FAT3: variants seen among roughly 807,000 people sequenced by gnomAD.
The protein encoded by FAT3 is protocadherin Fat 3.
A neutral mutation model predicts 310.2 loss-of-function variants in FAT3; 95 were observed. The ratio of observed to expected loss-of-function variants is 0.31; its 90% CI spans 0.26 to 0.36. The LOEUF (loss-of-function observed/expected upper bound fraction) is 0.36. Ranked by LOEUF, FAT3 falls within the 10% of genes least tolerant of loss-of-function variation. The probability of loss-of-function intolerance (pLI) is 1.00; values close to 1 mark genes in which losing one functional copy is unlikely to be tolerated. For missense variants in FAT3, 5,408 were observed against 5,715.6 expected (o/e 0.95, Z 1.74); for synonymous variants, 2,314 against 2,192.9 (o/e 1.06, Z -1.54).
At position 92,800,578 on chromosome 11, in the gene FAT3, A is replaced by T; in HGVS notation, c.7565A>T (p.Asp2522Val). The T allele has an allele frequency of 2.5e-6, 4 of 1,613,828 alleles. No homozygotes were observed. Among genetic ancestry groups the T allele is most frequent in the Non-Finnish European group, 3.4e-6 (4 of 1,179,828 alleles). ...AAGGTAATTCATGTTCGAGCCACAGATGGTGATCCAGGGACTTATGGGCAG... is the reference window on the plus strand; with the variant it reads ...AAGGTAATTCATGTTCGAGCCACAGTTGGTGATCCAGGGACTTATGGGCAG... The part of the protein sequence containing the change: ...GTKVIHVRAT[D>V]GDPGTYGQIS... Residue 2522 changes from aspartate to valine, a missense_variant, in exon 10 of 28, where the codon GAT (aspartate) becomes GTT (valine). By Grantham distance (152) the Asp-to-Val change is radical (BLOSUM62 -3). Around this residue, in one of 5 missense-constraint regions of FAT3, gnomAD observed 4,588 missense variants for 4,809.8 expected, o/e 0.95. Transcript: ENST00000525166.
At chr11:92,582,691 T>G (rs928118845) in intron 3 of FAT3, among the ~76,000 whole-genome samples, 12 of 152,044 alleles carry the variant, frequency 7.9e-5, no homozygotes, top group Admixed American at 4.6e-4. Flanking sequence ...GAATGTGAAG[T>G]AAGATGCTGC....
intron 1 of FAT3, among the ~76,000 whole-genome samples, chr11:92,260,548 T>C (rs560276127): frequency 2.0e-5 from 3 of 152,182 alleles, no homozygotes; most frequent in Non-Finnish European, 4.4e-5. Flanking sequence ...TTTAAGGCTG[T>C]TAAGGCTCTG....
chr11:92,551,515 G>A (rs975560712), intron 3 of FAT3, among the ~76,000 whole-genome samples: 1 of 150,950 alleles, frequency 6.6e-6, no homozygotes, highest in African/African-American at 2.4e-5. Context: ...CATAGACCCT[G>A]CAGTTCAACC....
chr11:92,533,399 C>T (rs1001631756), intron 3 of FAT3, among the ~76,000 whole-genome samples: 1 of 152,096 alleles, frequency 6.6e-6, no homozygotes, highest in South Asian at 2.1e-4. Context: ...GAACTAGTGC[C>T]ACCATCCATG....
intron 2 of FAT3, among the ~76,000 whole-genome samples, chr11:92,393,455 C>G (rs1387755137): frequency 6.6e-6 from 1 of 152,236 alleles, no homozygotes; most frequent in South Asian, 2.1e-4. Context: ...AGGATTTCGC[C>G]GCCAAACCAT....
chr11:92,500,482 A>G (rs1048280153), intron 2 of FAT3, among the ~76,000 whole-genome samples: 3 of 152,184 alleles, frequency 2.0e-5, no homozygotes, highest in East Asian at 3.9e-4. Flanking sequence ...GAGGAAAAAT[A>G]TGATGAAATG....
chr11:92,247,585 A>G (rs1864971668), intron 1 of FAT3, among the ~76,000 whole-genome samples: 2 of 151,962 alleles, frequency 1.3e-5, no homozygotes, highest in African/African-American at 4.8e-5. Flanking sequence ...TTTCCTCTAT[A>G]AAAGAGAGAG....
At chr11:92,482,195 A>G (rs75983636) in intron 2 of FAT3, among the ~76,000 whole-genome samples, 7,010 of 152,258 alleles carry the variant, frequency 0.046, 203 homozygotes, top group East Asian at 0.086. Context: ...GTTAGTGAAC[A>G]CTATCAGATT....
intron 2 of FAT3, among the ~76,000 whole-genome samples, chr11:92,463,993 A>G (rs1951700707): frequency 6.6e-6 from 1 of 152,194 alleles, no homozygotes; most frequent in African/African-American, 2.4e-5. Flanking sequence ...CACCTAGCAC[A>G]TGGTTAAGGG....
At chr11:92,695,959 A>T (rs1407970172) in intron 3 of FAT3, among the ~76,000 whole-genome samples, 1 of 152,194 alleles carries the variant, frequency 6.6e-6, no homozygotes, top group Non-Finnish European at 1.5e-5. Context: ...ATAGTTAATA[A>T]TAGTGTATTG....
intron 24 of FAT3, 58 bp from the exon 25 acceptor site, chr11:92,886,941 TG>T (rs1949809424): frequency 7.2e-7 from 1 of 1,394,918 alleles, no homozygotes; most frequent in African/African-American, 1.4e-5. Context: ...TGGGTGGGAC[TG>T]GAAATAGGCA....
rs970045974 is a variant in FAT3, at chr11:92,524,577, A to G, written c.3293-57A>G. ...GTGTAGTCCTTTGGAATTTGAGATT[A>G]TTTATTTAATGTCTTCCCTTTCTCT... On this transcript the variant is annotated intron_variant, in intron 2 of 27. Transcript: ENST00000525166. 37 of 1,523,284 alleles carry G rather than the reference A, an allele frequency of 2.4e-5. No homozygotes were observed. The African/African-American group carries it at 4.3e-4, about 18-fold the overall frequency. The allele number at this position is 1,523,284 out of a possible 1,614,324, so 94.4% of individuals were successfully genotyped here.
intron 3 of FAT3, among the ~76,000 whole-genome samples, chr11:92,674,219 A>AATAAT (rs1943217561): frequency 6.7e-6 from 1 of 148,216 alleles, no homozygotes; most frequent in Non-Finnish European, 1.5e-5. Context: ...TAATAATAAT[A>AATAAT]AAGAGACACT....
chr11:92,444,649 T>G (rs1019399287), intron 2 of FAT3, among the ~76,000 whole-genome samples: 1 of 127,508 alleles, frequency 7.8e-6, no homozygotes, highest in Admixed American at 8.1e-5. Context: ...ATGATATTAA[T>G]GGATATTACT....
At chr11:92,873,106 A>G (rs575284171) in intron 22 of FAT3, among the ~76,000 whole-genome samples, 1 of 152,298 alleles carries the variant, frequency 6.6e-6, no homozygotes, top group Non-Finnish European at 1.5e-5. Flanking sequence ...TACAACAATA[A>G]AGCACCTAAT....
chr11:92,715,921 G>A (rs1176241963), intron 4 of FAT3, among the ~76,000 whole-genome samples: 1 of 152,076 alleles, frequency 6.6e-6, no homozygotes, highest in Admixed American at 6.6e-5. Flanking sequence ...GCCAGTGGAA[G>A]TAGGAATTGG....
At chr11:92,496,853 G>A (rs1255497369) in intron 2 of FAT3, among the ~76,000 whole-genome samples, 2 of 151,956 alleles carry the variant, frequency 1.3e-5, no homozygotes, top group Non-Finnish European at 2.9e-5. Flanking sequence ...GCCAGAAGAG[G>A]CACTGAAGGC....
intron 1 of FAT3, among the ~76,000 whole-genome samples, chr11:92,283,624 G>A (rs1946485267): frequency 6.6e-6 from 1 of 152,062 alleles, no homozygotes; most frequent in South Asian, 2.1e-4. Context: ...TTCAATTCAG[G>A]AACAACTAAA....
chr11:92,545,106 G>A (rs1356323913), intron 3 of FAT3, among the ~76,000 whole-genome samples: 1 of 151,984 alleles, frequency 6.6e-6, no homozygotes, highest in East Asian at 1.9e-4. Context: ...AAGCACTCAG[G>A]CACACTCTTG....
Sources: gnomAD v4.1 joint callset for allele counts (sites outside exome capture counted in the v4.1 genomes callset) on GRCh38, gnomAD v4.1.1 for gene constraint, gnomAD v4.1.1 regional missense constraint, MANE v1.5 for transcripts, NCBI Gene and HGNC (gene_info 2026-07-23, HGNC 2026-07-21) for gene names.